Variants in SAMMSON observed in about 807,000 individuals in gnomAD.
The protein encoded by SAMMSON is survival associated mitochondrial melanoma specific oncogenic non-coding RNA, also known as long intergenic non-protein coding RNA 1212.
intron 3 of SAMMSON, among the ~76,000 whole-genome samples, chr3:70,018,709 G>T (rs2066997885): frequency 6.6e-6 from 1 of 151,996 alleles, no homozygotes; most frequent in African/African-American, 2.4e-5. Context: ...GCTTTCTCTT[G>T]TGGGCATTTA....
intron 4 of SAMMSON, among the ~76,000 whole-genome samples, chr3:70,079,743 A>G (rs1167986816): frequency 2.0e-5 from 3 of 152,168 alleles, no homozygotes; most frequent in Non-Finnish European, 4.4e-5. Context: ...TGGGGGGTTT[A>G]TCAAGACGTA....
intron 3 of SAMMSON, among the ~76,000 whole-genome samples, chr3:70,042,920 A>G (rs1426861818): frequency 6.6e-6 from 1 of 152,136 alleles, no homozygotes; most frequent in Non-Finnish European, 1.5e-5. Flanking sequence ...TGGCTTCCCC[A>G]GAGATTTCGC....
intron 4 of SAMMSON, among the ~76,000 whole-genome samples, chr3:70,094,015 G>A (rs2067314421): frequency 6.6e-6 from 1 of 152,096 alleles, no homozygotes; most frequent in African/African-American, 2.4e-5. Flanking sequence ...GACTCTGGGG[G>A]CCAACATTCC....
chr3:70,115,485 A>G (rs2067406979), intron 4 of SAMMSON, among the ~76,000 whole-genome samples: 1 of 152,182 alleles, frequency 6.6e-6, no homozygotes, highest in Non-Finnish European at 1.5e-5. Flanking sequence ...ATACTTACGT[A>G]TCTAGTTTAA....
chr3:70,347,940 G>T (rs1363116979), intron 7 of SAMMSON, among the ~76,000 whole-genome samples: 1 of 152,146 alleles, frequency 6.6e-6, no homozygotes, highest in Non-Finnish European at 1.5e-5. Flanking sequence ...CTACTTGGGA[G>T]ACTGAGGCAT....
chr3:70,094,123 T>G (rs2067314945), intron 4 of SAMMSON, among the ~76,000 whole-genome samples: 1 of 152,116 alleles, frequency 6.6e-6, no homozygotes, highest in South Asian at 2.1e-4. Context: ...AACCTTTGAA[T>G]CCTCCTTGAT....
At chr3:70,243,263 T>C (rs1701678167) in intron 4 of SAMMSON, among the ~76,000 whole-genome samples, 1 of 152,166 alleles carries the variant, frequency 6.6e-6, no homozygotes, top group South Asian at 2.1e-4. Flanking sequence ...ATTTTTCAGC[T>C]GGTTTGTCTT....
At chr3:70,037,112 A>G (rs1210936829) in intron 3 of SAMMSON, among the ~76,000 whole-genome samples, 3 of 151,896 alleles carry the variant, frequency 2.0e-5, no homozygotes, top group African/African-American at 4.8e-5. Context: ...TGGTACAGGA[A>G]TGGGAGTCTA....
chr3:70,076,319 A>G (rs555018882), intron 4 of SAMMSON, among the ~76,000 whole-genome samples: 1 of 152,288 alleles, frequency 6.6e-6, no homozygotes, highest in South Asian at 2.1e-4. Context: ...GGTAAATCCT[A>G]TGTTCAAAAC....
intron 2 of SAMMSON, among the ~76,000 whole-genome samples, chr3:70,432,612 G>A (rs999842948): frequency 1.3e-5 from 2 of 151,858 alleles, no homozygotes; most frequent in African/African-American, 4.8e-5. Flanking sequence ...AACACCTTGT[G>A]TTAGTATGGT....
intron 4 of SAMMSON, among the ~76,000 whole-genome samples, chr3:70,077,040 A>G (rs928925194): frequency 7.2e-5 from 11 of 152,250 alleles, no homozygotes; most frequent in African/African-American, 1.2e-4. Context: ...TGTGGGGGGA[A>G]TTTGAGAGAA....
intron 7 of SAMMSON, among the ~76,000 whole-genome samples, chr3:70,348,553 G>A (rs983526597): frequency 2.6e-5 from 4 of 152,154 alleles, no homozygotes; most frequent in African/African-American, 7.2e-5. Flanking sequence ...GGCTCCACCC[G>A]AAACCTAATC....
intron 7 of SAMMSON, among the ~76,000 whole-genome samples, chr3:70,318,975 T>G (rs1026774949): frequency 6.6e-6 from 1 of 152,084 alleles, no homozygotes; most frequent in African/African-American, 2.4e-5. Context: ...ATCTCCTCTT[T>G]GGTTGAGCCA....
intron 3 of SAMMSON, among the ~76,000 whole-genome samples, chr3:70,040,901 A>G (rs964546451): frequency 6.6e-6 from 1 of 152,148 alleles, no homozygotes; most frequent in African/African-American, 2.4e-5. Flanking sequence ...CTGAGTTTTC[A>G]TAGATTTCAA....
chr3:70,032,631 T>C (rs942877786), intron 3 of SAMMSON, among the ~76,000 whole-genome samples: 1 of 152,144 alleles, frequency 6.6e-6, no homozygotes, highest in African/African-American at 2.4e-5. Flanking sequence ...GTTCAAAACA[T>C]GTGGAGTTTG....
intron 7 of SAMMSON, among the ~76,000 whole-genome samples, chr3:70,338,314 GA>G (rs1191005002): frequency 6.6e-6 from 1 of 151,752 alleles, no homozygotes; most frequent in Non-Finnish European, 1.5e-5. Context: ...AAGCAAACAG[GA>G]GGATAATGAA....
chr3:70,030,096 G>T (rs1160893784), intron 3 of SAMMSON, among the ~76,000 whole-genome samples: 1 of 152,200 alleles, frequency 6.6e-6, no homozygotes. Context: ...GCATGACAAT[G>T]TAAAGCTTGG....
intron 4 of SAMMSON, among the ~76,000 whole-genome samples, chr3:70,167,440 T>A (rs1331590256): frequency 6.6e-6 from 1 of 152,032 alleles, no homozygotes; most frequent in East Asian, 1.9e-4. Flanking sequence ...ATGCTTCAGA[T>A]GCAGCATTTC....
chr3:70,017,685 G>A (rs2066991940), intron 3 of SAMMSON, among the ~76,000 whole-genome samples: 2 of 152,050 alleles, frequency 1.3e-5, no homozygotes, highest in East Asian at 1.9e-4. Flanking sequence ...AATGCTTCCA[G>A]TTTTTGCCCA....
Sources: gnomAD v4.1 joint callset for allele counts (sites outside exome capture counted in the v4.1 genomes callset) on GRCh38, gnomAD v4.1.1 for gene constraint, MANE v1.5 for transcripts, NCBI Gene and HGNC (gene_info 2026-07-23, HGNC 2026-07-21) for gene names.